Variants in ANKRD36 observed in about 807,000 individuals in gnomAD.
The protein encoded by ANKRD36 is ankyrin repeat domain-containing protein 36A.
ANKRD36 carries 179 observed loss-of-function variants against 278.1 expected under a neutral mutation model. That is an observed-to-expected ratio of 0.64 (90% CI 0.57 to 0.73). The LOEUF is 0.73. ANKRD36 is among the 30% of genes least tolerant of loss of function. ANKRD36 has a pLI of 0.00. For missense variants in ANKRD36, 1,159 were observed against 1,956.7 expected (o/e 0.59, Z 7.69); for synonymous variants, 320 against 641.1 (o/e 0.50, Z 7.57).
intron 22 of ANKRD36, among the ~76,000 whole-genome samples, chr2:97,169,384 C>T (rs2051702490): frequency 6.6e-6 from 1 of 152,282 alleles, no homozygotes; most frequent in East Asian, 1.9e-4. Flanking sequence ...AACATTTTCT[C>T]CTGTTCTGTA....
intron 31 of ANKRD36, 36 bp downstream of exon 31, chr2:97,187,262 A>G (rs751126087): frequency 2.2e-5 from 35 of 1,607,780 alleles, no homozygotes; most frequent in Admixed American, 3.4e-5. Context: ...GAACTAGTAA[A>G]TCTATAGTCT....
intron 67 of ANKRD36, among the ~76,000 whole-genome samples, chr2:97,231,195 C>G (rs1171255182): frequency 6.6e-6 from 1 of 152,130 alleles, no homozygotes; most frequent in Non-Finnish European, 1.5e-5. Context: ...ACATTTAAGT[C>G]TGCAGAGGTT....
chr2:97,155,779 G>T (rs920568662), intron 15 of ANKRD36, among the ~76,000 whole-genome samples: 1 of 146,326 alleles, frequency 6.8e-6, no homozygotes, highest in Non-Finnish European at 1.5e-5. Context: ...ATTACTATGA[G>T]CCACTTGAAG....
rs1257012822 is a variant in ANKRD36, at chr2:97,189,361, T to G, written c.2245+71T>G. 75 of 424,508 alleles carry G rather than the reference T, an allele frequency of 1.8e-4. 28 individuals are homozygous for G. The highest frequency in any genetic ancestry group is 6.7e-5 in the Non-Finnish European group (14 of 209,062). The allele number at this position is 424,508 out of a possible 1,614,324, so 26.3% of individuals were successfully genotyped here. A position where few individuals can be genotyped will look rare whatever the true frequency, so the allele number is the denominator to read the frequency against. ...AAAGAACTTCTCTACCCCGAATAAA[T>G]CAGCGGAGGGTGGGTGGGGGGCTCG... On this transcript the variant is annotated intron_variant, in intron 34 of 75. Transcript: ENST00000420699.
intron 40 of ANKRD36, among the ~76,000 whole-genome samples, chr2:97,196,324 A>AC (rs148278820): frequency 1.1e-4 from 2 of 18,848 alleles, no homozygotes; most frequent in Admixed American, 3.4e-4. Flanking sequence ...TCGGCCTAAG[A>AC]CATTGATATT....
At chr2:97,193,311 CG>C (rs1575605105) in intron 38 of ANKRD36, among the ~76,000 whole-genome samples, 1 of 133,018 alleles carries the variant, frequency 7.5e-6, no homozygotes, top group East Asian at 2.1e-4. Flanking sequence ...TAAGGGGCTC[CG>C]GGGAACAACA....
chr2:97,149,293 A>G lies in ANKRD36; in HGVS notation c.1035-2A>G. On this transcript the variant is annotated splice_acceptor_variant, in intron 11 of 75. Transcript: ENST00000420699. LOFTEE classifies it high-confidence loss of function. ...TTTTTGTAATATCTTTTTGCTCTGT[A>G]GGAGTCTCTACAGACCTGATGCTGT... 1 of 1,533,760 alleles carries G rather than the reference A, an allele frequency of 6.5e-7. No homozygotes were observed. Among genetic ancestry groups the G allele is most frequent in the East Asian group, 2.5e-5 (1 of 40,472 alleles).
chr2:97,240,988 T>TG (rs2074258538), intron 68 of ANKRD36, among the ~76,000 whole-genome samples: 4 of 35,924 alleles, frequency 1.1e-4, no homozygotes, highest in East Asian at 1.2e-3. Flanking sequence ...CTATGTTTTT[T>TG]TTTTTTTTTT....
rs1487784691 is a variant in ANKRD36, at chr2:97,156,693, G to A, written c.1261-1414G>A. Among the ~76,000 whole-genome samples, 4 of 140,402 alleles carry A rather than the reference G, an allele frequency of 2.8e-5. No homozygotes were observed. In the East Asian group the frequency reaches 8.4e-4, roughly 30 times the overall value. The allele number at this position is 140,402 out of a possible 152,430, so 92.1% of individuals were successfully genotyped here. ...CCGCAATAAACATACGTGTGCATGT[G>A]TCTTTATAGCAGCATGATTTATAGT... is the stretch of plus-strand genomic sequence containing the variant. On this transcript the variant is annotated intron_variant, in intron 15 of 75. Transcript: ENST00000420699.
chr2:97,232,238 T>C (rs1274674786), intron 67 of ANKRD36, among the ~76,000 whole-genome samples: 1 of 150,822 alleles, frequency 6.6e-6, no homozygotes, highest in Admixed American at 6.6e-5. Flanking sequence ...AAAAGACATC[T>C]AAGAAAGAAA....
chr2:97,203,920 G>C, intron 48 of ANKRD36, 148 bp from the exon 49 acceptor site: 1 of 1,306,874 alleles, frequency 7.7e-7, no homozygotes, highest in East Asian at 2.6e-5. Flanking sequence ...TTTCTGTCAC[G>C]TTCTAATCCC....
intron 4 of ANKRD36, among the ~76,000 whole-genome samples, 156 bp from the exon 5 acceptor site, chr2:97,124,304 G>T (rs1488515325): frequency 6.6e-6 from 1 of 151,886 alleles, no homozygotes; most frequent in Non-Finnish European, 1.5e-5. Context: ...GTGGTAACTT[G>T]CAAAGATAAA....
chr2:97,208,295 C>T (rs1305070513), intron 54 of ANKRD36, among the ~76,000 whole-genome samples: 26 of 146,572 alleles, frequency 1.8e-4, no homozygotes, highest in Admixed American at 1.8e-3. Context: ...TTTAATTCTC[C>T]AGCTTGTTTT....
chr2:97,133,659 A>G (rs2040734475), intron 6 of ANKRD36, among the ~76,000 whole-genome samples: 1 of 152,004 alleles, frequency 6.6e-6, no homozygotes, highest in South Asian at 2.1e-4. Flanking sequence ...GAGAATATTC[A>G]TATTGTGTTT....
At chr2:97,140,556 A>G (rs1379059511) in intron 6 of ANKRD36, among the ~76,000 whole-genome samples, 2 of 152,002 alleles carry the variant, frequency 1.3e-5, no homozygotes, top group South Asian at 2.1e-4. Flanking sequence ...AAAATAAGAG[A>G]CGATAGATAC....
chr2:97,164,964 T>G (rs2050238622), intron 20 of ANKRD36, among the ~76,000 whole-genome samples: 1 of 152,106 alleles, frequency 6.6e-6, no homozygotes, highest in South Asian at 2.1e-4. Flanking sequence ...TGATTAAAAA[T>G]GAATAAAATG....
At position 97,129,711 on chromosome 2, in the gene ANKRD36, C is replaced by T. The variant is rs183873256; in HGVS notation, c.799+2577C>T. 4.2e-3 allele frequency among the ~76,000 whole-genome samples: 645 copies of T among 152,140 alleles called. 3 individuals are homozygous for T. The highest frequency in any genetic ancestry group is 0.014 in the African/African-American group (597 of 41,530). On this transcript the variant is annotated intron_variant, in intron 6 of 75. Coordinates refer to ENST00000420699, the MANE Select transcript of ANKRD36 (RefSeq NM_001354587.1). The stretch of plus-strand genomic sequence containing the variant: ...ATATGGCTAGCCAGTTTTCCCAGCA[C>T]CATTTATTAAATAGGGAATCCTTTC...
Position 97,219,033 on chromosome 2 carries a change from T to C in ANKRD36, c.3776-17T>C, listed in dbSNP as rs2066688958. 2 of 1,540,246 alleles carry C rather than the reference T, an allele frequency of 1.3e-6. No homozygotes were observed. Among genetic ancestry groups the C allele is most frequent in the Non-Finnish European group, 1.8e-6 (2 of 1,139,330 alleles). On this transcript the variant is annotated splice_polypyrimidine_tract_variant and intron_variant, in intron 64 of 75. Coordinates refer to ENST00000420699, the MANE Select transcript of ANKRD36 (RefSeq NM_001354587.1). ...ATATTTACATATGATTGATTATATA[T>C]TTCTCTTGCTTGTTAGAGTATCCTG...
At chr2:97,178,346 A>G (rs1232208950) in intron 22 of ANKRD36, among the ~76,000 whole-genome samples, 4 of 152,012 alleles carry the variant, frequency 2.6e-5, no homozygotes, top group African/African-American at 9.7e-5. Context: ...CCAAAGGACT[A>G]TAAATCACGC....
Sources: gnomAD v4.1 joint callset for allele counts (sites outside exome capture counted in the v4.1 genomes callset) on GRCh38, gnomAD v4.1.1 for gene constraint, MANE v1.5 for transcripts, NCBI Gene and HGNC (gene_info 2026-07-23, HGNC 2026-07-21) for gene names.